The following OPCML variants were observed in gnomAD, a reference collection of about 807,000 sequenced individuals.
OPCML encodes opioid binding protein/cell adhesion molecule like, also known as opioid-binding protein/cell adhesion molecule.
OPCML carries 13 observed loss-of-function variants against 37.8 expected under a neutral mutation model. The ratio of observed to expected loss-of-function variants is 0.34; its 90% confidence interval spans 0.22 to 0.55. OPCML has a LOEUF of 0.55. OPCML is among the 20% of genes least tolerant of loss of function. The pLI is 0.91. For synonymous variants in OPCML, 176 were observed against 168.8 expected (o/e 1.04, Z -0.33); for missense variants, 341 against 435.6 (o/e 0.78, Z 1.93).
chr11:132,590,716 C>G (rs767006231), intron 3 of OPCML, among the ~76,000 whole-genome samples: 1 of 152,122 alleles, frequency 6.6e-6, no homozygotes, highest in Admixed American at 6.5e-5. Flanking sequence ...ACGGCACACA[C>G]GCATGACACC....
chr11:132,812,560 G>A (rs7106576), intron 2 of OPCML, among the ~76,000 whole-genome samples: 130,782 of 152,164 alleles, frequency 0.86, 56,787 homozygotes, highest in Non-Finnish European at 0.89. Flanking sequence ...GTTTTAAAGT[G>A]TAGTTTCAAT....
At chr11:133,351,117 T>C (rs148331235) in intron 1 of OPCML, among the ~76,000 whole-genome samples, 50 of 152,336 alleles carry the variant, frequency 3.3e-4, no homozygotes, top group African/African-American at 8.9e-4. Context: ...GACCACAAAA[T>C]TGGCTTTCCC....
intron 1 of OPCML, among the ~76,000 whole-genome samples, chr11:133,010,633 T>C (rs1197878717): frequency 6.6e-6 from 1 of 152,228 alleles, no homozygotes; most frequent in East Asian, 1.9e-4. Context: ...CCTTATCCTT[T>C]TTAATATTTC....
rs1945906923 is a variant in OPCML at position 133,422,377 on chromosome 11, T to TATATATATATATATATATATA, written c.61+109886_61+109887insTATATATATATATATATATAT. On this transcript the variant is annotated intron_variant, in intron 1 of 7. Transcript: ENST00000524381. ...CATTTTTTCTCTCAGACCAAAGACA[T>TATATATATATATATATATATA]TATATATATATATATATGTATATAT... 4.7e-6 allele frequency: 3 copies of TATATATATATATATATATATA among 636,472 alleles called. No individual in the cohort carries two copies. The South Asian group carries it at 2.1e-4, about 44-fold the overall frequency. 39.4% of individuals were successfully genotyped at this position (636,472 alleles called of 1,614,324 possible).
At chr11:133,367,409 A>G (rs1320308984) in intron 1 of OPCML, among the ~76,000 whole-genome samples, 2 of 152,196 alleles carry the variant, frequency 1.3e-5, no homozygotes, top group African/African-American at 2.4e-5. Flanking sequence ...TGGTTCTTCA[A>G]TGACTCCACT....
At chr11:133,134,926 A>AT (rs1316698363) in intron 1 of OPCML, among the ~76,000 whole-genome samples, 1 of 152,148 alleles carries the variant, frequency 6.6e-6, no homozygotes, top group Non-Finnish European at 1.5e-5. Context: ...TATTTTTTCC[A>AT]TTCCCAGACT....
intron 1 of OPCML, among the ~76,000 whole-genome samples, chr11:133,079,762 G>A (rs1948680396): frequency 6.6e-6 from 1 of 151,920 alleles, no homozygotes; most frequent in African/African-American, 2.4e-5. Flanking sequence ...CTGTTGTAAG[G>A]TGAGAGGAAG....
At chr11:132,430,590 C>G (rs1394791452) in intron 7 of OPCML, among the ~76,000 whole-genome samples, 3 of 152,224 alleles carry the variant, frequency 2.0e-5, no homozygotes, top group Non-Finnish European at 4.4e-5. Flanking sequence ...AAACTCTGTG[C>G]ACAGATGTTG....
chr11:132,770,332 G>A (rs759669565), intron 2 of OPCML, among the ~76,000 whole-genome samples: 36 of 152,054 alleles, frequency 2.4e-4, no homozygotes, highest in Non-Finnish European at 4.3e-4. Context: ...TAGTTAGTTA[G>A]TTTTGTGCTG....
chr11:132,938,540 A>AT (rs1565354151), intron 2 of OPCML, among the ~76,000 whole-genome samples: 1 of 152,264 alleles, frequency 6.6e-6, no homozygotes, highest in African/African-American at 2.4e-5. Flanking sequence ...ACTTGCACAC[A>AT]TATGTTGCTT....
At chr11:132,624,440 T>C (rs1475270839) in intron 3 of OPCML, among the ~76,000 whole-genome samples, 1 of 152,208 alleles carries the variant, frequency 6.6e-6, no homozygotes, top group Non-Finnish European at 1.5e-5. Context: ...AAATACTCTT[T>C]TCTTATTTCT....
intron 1 of OPCML, among the ~76,000 whole-genome samples, chr11:132,950,412 C>G (rs142350673): frequency 6.6e-6 from 1 of 152,268 alleles, no homozygotes; most frequent in African/African-American, 2.4e-5. Flanking sequence ...TAACTAGCTG[C>G]ATTTTACAAC....
In OPCML at chr11:133,205,485, G is replaced by T. The variant is rs1475010923; in HGVS notation, c.62-262475C>A. ...TCAGCAGCACTGGTCCCAACCCAGG[G>T]CTTGCACCTAGCACCTGAAGTGGGA... On this transcript the variant is annotated intron_variant, in intron 1 of 7. Transcript: ENST00000524381. The surrounding 1 kb of genome is among the most constrained non-coding windows in gnomAD (Gnocchi z 4.8). Among the ~76,000 whole-genome samples, 1 of 152,192 alleles carries T rather than the reference G, an allele frequency of 6.6e-6. No homozygotes were observed. The highest frequency in any genetic ancestry group is 1.5e-5 in the Non-Finnish European group (1 of 68,040).
At chr11:133,070,342 G>GT (rs1948505377) in intron 1 of OPCML, among the ~76,000 whole-genome samples, 2 of 152,140 alleles carry the variant, frequency 1.3e-5, no homozygotes, top group African/African-American at 2.4e-5. Flanking sequence ...GCTTGTCCCT[G>GT]TTCTGTCTAA....
chr11:133,439,470 GTT>G (rs909380882), intron 1 of OPCML: 1 of 981,916 alleles, frequency 1.0e-6, no homozygotes. Flanking sequence ...CTTTGTTTTT[GTT>G]TTTTTTCTTT....
intron 7 of OPCML, among the ~76,000 whole-genome samples, chr11:132,429,023 G>A (rs2095987249): frequency 7.0e-6 from 1 of 143,720 alleles, no homozygotes; most frequent in African/African-American, 2.5e-5. Flanking sequence ...TTGACTAGAT[G>A]AATGGATGGA....
At position 133,139,393 on chromosome 11, in the gene OPCML, C is replaced by T. The variant is rs565233476; in HGVS notation, c.62-196383G>A. Among the ~76,000 whole-genome samples the T allele has an allele frequency of 4.6e-5, 7 of 152,280 alleles. No homozygotes were observed. In the East Asian group the frequency reaches 1.4e-3, roughly 29 times the overall value. ...CTTCCTGTAAGCTCTATTACTATCC[C>T]CACTTTACAGGTGAAAAAACCGAGA... is the stretch of plus-strand genomic sequence containing the variant. On this transcript the variant is annotated intron_variant, in intron 1 of 7. Transcript: ENST00000524381.
At chr11:133,432,510 G>A (rs1946143922) in intron 1 of OPCML, among the ~76,000 whole-genome samples, 1 of 152,022 alleles carries the variant, frequency 6.6e-6, no homozygotes, top group South Asian at 2.1e-4. Flanking sequence ...CAAGTAGCTG[G>A]GATTATAGGC....
At chr11:133,197,446 A>T (rs1938580205) in intron 1 of OPCML, among the ~76,000 whole-genome samples, 1 of 152,220 alleles carries the variant, frequency 6.6e-6, no homozygotes, top group Non-Finnish European at 1.5e-5. Flanking sequence ...TGCCTGCCTA[A>T]TAAACGTGAC....
Sources: gnomAD v4.1 joint callset for allele counts (sites outside exome capture counted in the v4.1 genomes callset) on GRCh38, gnomAD v4.1.1 for gene constraint, Gnocchi (gnomAD v3.1) non-coding constraint, MANE v1.5 for transcripts, NCBI Gene and HGNC (gene_info 2026-07-23, HGNC 2026-07-21) for gene names.